IGSF9: variants seen among roughly 807,000 people sequenced by gnomAD.
IGSF9 encodes protein turtle homolog A.
In IGSF9, 87 loss-of-function variants were observed where a neutral mutation model predicts 121.7. That is an observed-to-expected ratio of 0.71 (90% CI 0.60 to 0.85). The LOEUF (loss-of-function observed/expected upper bound fraction) is 0.85, where lower values mean the gene tolerates loss of function less well. Among genes scored for constraint, IGSF9 ranks in the 40% least tolerant of loss-of-function variants. IGSF9 has a pLI of 0.00. For synonymous variants in IGSF9, 640 were observed against 648.4 expected, an observed-to-expected ratio of 0.99 and a Z score of 0.20; for missense variants, 1,462 against 1,565.3, an observed-to-expected ratio of 0.93 and a Z score of 1.11.
chr1:159,943,414 A>G lies in IGSF9; in HGVS notation c.41T>C (p.Ile14Thr), dbSNP rs778821299. Residue 14 changes from isoleucine (I) to threonine (T), a missense_variant, in exon 2 of 21, where the codon ATC becomes ACC. By Grantham distance (89) the Ile-to-Thr change is moderately conservative. Coordinates refer to ENST00000368094, the MANE Select transcript of IGSF9 (RefSeq NM_001135050.2). ...CLGLAVLSLV[I>T]SQGADGRGKP... Reference sequence around the variant, plus strand: ...CAGCTTACCGTCAGCCCCCTGGCTGATGACCAGGCTGAGGACGGCCAGGCC... The same window carrying G: ...CAGCTTACCGTCAGCCCCCTGGCTGGTGACCAGGCTGAGGACGGCCAGGCC... 14 of 1,589,468 alleles carry G rather than the reference A, an allele frequency of 8.8e-6. No homozygotes were observed. The African/African-American group carries it at 1.7e-4, about 20-fold the overall frequency.
chr1:159,934,084 G>T, intron 9 of IGSF9, 106 bp downstream of exon 9: 1 of 1,259,126 alleles, frequency 7.9e-7, no homozygotes, highest in South Asian at 1.3e-5. Flanking sequence ...CAAAAGATGT[G>T]TGTCCCCAGT....
intron 6 of IGSF9, 100 bp downstream of exon 6, chr1:159,936,299 C>T (rs1228405788): frequency 9.3e-7 from 1 of 1,071,830 alleles, no homozygotes; most frequent in Non-Finnish European, 1.4e-6. Flanking sequence ...TGCCCTCAGG[C>T]ACAAATCTCC....
chr1:159,941,281 C>CCTAA (rs770447513), intron 3 of IGSF9, among the ~76,000 whole-genome samples: 1 of 152,224 alleles, frequency 6.6e-6, no homozygotes, highest in East Asian at 1.9e-4. Flanking sequence ...TCCTTAGCAA[C>CCTAA]CTCTACCTCC....
rs1243447068 is a variant in IGSF9 at position 159,928,670 on chromosome 1, C to T, written c.2718G>A (p.Val906=). 2 of 1,477,822 alleles carry T rather than the reference C, an allele frequency of 1.4e-6. No homozygotes were observed. The highest frequency in any genetic ancestry group is 5.2e-5 in the Admixed American group (2 of 38,288). 91.5% of individuals were successfully genotyped at this position (1,477,822 alleles called of 1,614,324 possible). Residue 906 remains valine (V), a synonymous_variant, in exon 19 of 21, where the codon GTG becomes GTA. Coordinates refer to ENST00000368094, the MANE Select transcript of IGSF9 (RefSeq NM_001135050.2). ...QPLCIEDISP[V]APPPAAPPSP... ...TGGGTGGGGCTGCTGGAGGGGGTGC[C>T]ACAGGGCTGATGTCTTCAATGCAGA...
Position 159,930,209 on chromosome 1 carries a change from G to A in IGSF9, c.2044C>T (p.Leu682=). 1 of 1,611,328 alleles carries A rather than the reference G, an allele frequency of 6.2e-7. No individual in the cohort carries two copies. Among genetic ancestry groups the A allele is most frequent in the Non-Finnish European group, 8.5e-7 (1 of 1,178,598 alleles). ...CATACCTTGATGAGGCCTGGCACCA[G>A]CAGCTCTGTTTCTGTGCCTGCCACA... is the stretch of plus-strand genomic sequence containing the variant. ...PAVAGTETEL[L]VPGLIKDVLY... Residue 682 remains leucine (L), a synonymous_variant, in exon 15 of 21, where the codon CTG becomes TTG. Transcript: ENST00000368094.
chr1:159,931,466 G>A lies in IGSF9; in HGVS notation c.1500C>T (p.Asn500=), dbSNP rs373792661. ...CCAGCCACTAACCCAGCACGTAGACGTTCGTGGAGGTGGCCACTCGGGCCA... is the reference window on the plus strand; with the variant it reads ...CCAGCCACTAACCCAGCACGTAGACATTCGTGGAGGTGGCCACTCGGGCCA... ...NAVARVATST[N]VYVLGTSPHV... is the part of the protein sequence containing the mutation. Residue 500 remains asparagine, a synonymous_variant, in exon 12 of 21, where the codon AAC becomes AAT. Coordinates refer to ENST00000368094, the MANE Select transcript of IGSF9 (RefSeq NM_001135050.2). This position sits in a 1 kb window ranked among gnomAD's most constrained non-coding sequence, Gnocchi z 4.8. 97 of 1,613,834 alleles carry A rather than the reference G, an allele frequency of 6.0e-5. 1 individual carries two copies. In the South Asian group the frequency reaches 8.0e-4, roughly 13 times the overall value.
chr1:159,943,694 A>C, intron 1 of IGSF9, 66 bp from the exon 2 acceptor site: 1 of 402,272 alleles, frequency 2.5e-6, no homozygotes, highest in Non-Finnish European at 4.4e-6. Flanking sequence ...AAACCCCACC[A>C]TTAGAGAAAG....
intron 3 of IGSF9, among the ~76,000 whole-genome samples, chr1:159,938,122 G>A (rs1459463398): frequency 1.3e-5 from 2 of 152,160 alleles, no homozygotes; most frequent in Admixed American, 6.5e-5. Context: ...ACTGCACTCG[G>A]TGTCTAGGAC....
chr1:159,932,409 C>A lies in IGSF9; in HGVS notation c.1245+103G>T. 1 of 1,181,086 alleles carries A rather than the reference C, an allele frequency of 8.5e-7. No individual in the cohort carries two copies. Among genetic ancestry groups the A allele is most frequent in the Non-Finnish European group, 1.2e-6 (1 of 831,478 alleles). The allele number at this position is 1,181,086 out of a possible 1,614,324, so 73.2% of individuals were successfully genotyped here. Reference sequence around the variant, plus strand: ...TGGGAAACAAACTTGGAAACCCCTCCCCATGTGTCTGCCCCACCCCACCCC... The same window carrying A: ...TGGGAAACAAACTTGGAAACCCCTCACCATGTGTCTGCCCCACCCCACCCC... On this transcript the variant is annotated intron_variant, in intron 10 of 20. Transcript: ENST00000368094. The surrounding 1 kb of genome is among the most constrained non-coding windows in gnomAD (Gnocchi z 4.1).
In IGSF9 at chr1:159,938,180, T is replaced by G. The variant is rs112008061; in HGVS notation, c.248-342A>C. On this transcript the variant is annotated intron_variant, in intron 3 of 20. Transcript: ENST00000368094. Reference sequence around the variant, plus strand: ...CCAGCATGTAGTCTCCTCTGGACTCTTACAGGATCTGTCCACCTCTGGGCT... The same window carrying G: ...CCAGCATGTAGTCTCCTCTGGACTCGTACAGGATCTGTCCACCTCTGGGCT... Among the ~76,000 whole-genome samples, 262 of 152,246 alleles carry G rather than the reference T, an allele frequency of 1.7e-3. 2 individuals are homozygous for G. The highest frequency in any genetic ancestry group is 5.6e-3 in the African/African-American group (232 of 41,546).
chr1:159,930,851 G>T lies in IGSF9; in HGVS notation c.1654C>A (p.Arg552=), dbSNP rs1012766325. Residue 552 remains arginine (R), a synonymous_variant, in exon 14 of 21, where the codon CGA becomes AGA. Transcript: ENST00000368094. ...WYTPLAKRPD[R]MHHDWVSLAV... ...AAGGACACCCAGTCATGGTGCATTCGGTCAGGACGCTTGGCCCTGGGAGAC... is the reference window on the plus strand; with the variant it reads ...AAGGACACCCAGTCATGGTGCATTCTGTCAGGACGCTTGGCCCTGGGAGAC... 6.2e-7 allele frequency: 1 copy of T among 1,607,914 alleles called. No homozygotes were observed. The highest frequency in any genetic ancestry group is 8.5e-7 in the Non-Finnish European group (1 of 1,177,046).
chr1:159,939,135 T>TC (rs1651293061), intron 3 of IGSF9, among the ~76,000 whole-genome samples: 1 of 152,172 alleles, frequency 6.6e-6, no homozygotes, highest in Admixed American at 6.5e-5. Context: ...CCTGGGTTTC[T>TC]CCAACAGCCT....
rs896677292 is a variant in IGSF9 at position 159,937,547 on chromosome 1, G to A, written c.400+139C>T. On this transcript the variant is annotated intron_variant, in intron 4 of 20. Coordinates refer to ENST00000368094, the MANE Select transcript of IGSF9 (RefSeq NM_001135050.2). ...ATGCAACTACTAAGTGAGCAAACAAGGGCTCTCAGGAAGGGTGGGGCATCA... is the reference window on the plus strand; with the variant it reads ...ATGCAACTACTAAGTGAGCAAACAAAGGCTCTCAGGAAGGGTGGGGCATCA... 1.8e-5 allele frequency: 16 copies of A among 865,254 alleles called. No homozygotes were observed. The Admixed American group carries it at 3.5e-4, about 19-fold the overall frequency. The allele number at this position is 865,254 out of a possible 1,614,324, so 53.6% of individuals were successfully genotyped here. A position where few individuals can be genotyped will look rare whatever the true frequency, so the allele number is the denominator to read the frequency against.
At chr1:159,930,582 A>C in intron 14 of IGSF9, 110 bp downstream of exon 14, 3 of 1,544,570 alleles carry the variant, frequency 1.9e-6, no homozygotes, top group Non-Finnish European at 2.6e-6. Context: ...CTGGACCCCA[A>C]GCTGGCCAGC....
chr1:159,943,198 G>T, intron 2 of IGSF9, 47 bp from the exon 3 acceptor site: 1 of 1,501,032 alleles, frequency 6.7e-7, no homozygotes, highest in Non-Finnish European at 9.0e-7. Context: ...TAGGGTCAGT[G>T]CTGGGAGGGG....
Position 159,934,246 on chromosome 1 carries a change from G to T in IGSF9, c.1048C>A (p.Pro350Thr). Residue 350 changes from proline to threonine, a missense_variant, in exon 9 of 21, where the codon CCC becomes ACC. By Grantham distance (38) the Pro-to-Thr change is conservative. This residue lies in a region of IGSF9 where 558 missense variants were observed against 599.4 expected (regional missense o/e 0.93). Coordinates refer to ENST00000368094, the MANE Select transcript of IGSF9 (RefSeq NM_001135050.2). ...GTCCAGCTGACAAAGAGCAGTGGGG[G>T]GTTGGCACGAACCGGGCAGCGGATC... ...GVIRCPVRAN[P>T]PLLFVSWTKD... The T allele has an allele frequency of 6.2e-7, 1 of 1,614,068 alleles. No homozygotes were observed. The highest frequency in any genetic ancestry group is 8.5e-7 in the Non-Finnish European group (1 of 1,179,994).
Position 159,934,851 on chromosome 1 carries a change from G to A in IGSF9, c.674-29C>T, listed in dbSNP as rs752385545. ...TGGGATGCACAAGGGGAGGAAGGTGGCCTCAGCCCACAGTCTTCCCAGAAC... is the reference window on the plus strand; with the variant it reads ...TGGGATGCACAAGGGGAGGAAGGTGACCTCAGCCCACAGTCTTCCCAGAAC... On this transcript the variant is annotated intron_variant, in intron 6 of 20. Coordinates refer to ENST00000368094, the MANE Select transcript of IGSF9 (RefSeq NM_001135050.2). 2.5e-6 allele frequency: 4 copies of A among 1,612,900 alleles called. No individual in the cohort carries two copies. The South Asian group carries it at 4.4e-5, about 18-fold the overall frequency.
Position 159,934,214 on chromosome 1 carries a change from A to G in IGSF9, c.1080T>C (p.Asp360=). The change falls in exon 9 of 21, where the codon GAT becomes GAC. Residue 360 remains aspartate, a synonymous_variant. Coordinates refer to ENST00000368094, the MANE Select transcript of IGSF9 (RefSeq NM_001135050.2). The part of the protein sequence containing the change: ...PPLLFVSWTK[D]GKALQLDKFP... The stretch of plus-strand genomic sequence containing the variant: ...CCTTGTCCAGCTGCAGGGCCTTTCC[A>G]TCCTTGGTCCAGCTGACAAAGAGCA... 6.2e-7 allele frequency: 1 copy of G among 1,613,692 alleles called. No homozygotes were observed. The highest frequency in any genetic ancestry group is 8.5e-7 in the Non-Finnish European group (1 of 1,179,898).
chr1:159,943,256 GAGAAACCCCCAGTTC>G, intron 2 of IGSF9, 105 bp from the exon 3 acceptor site: 1 of 1,312,740 alleles, frequency 7.6e-7, no homozygotes, highest in Non-Finnish European at 1.0e-6. Context: ...TGGGTGACTG[GAGAAACCCCCAGTTC>G]AGCTTCTCCA....
Sources: gnomAD v4.1 joint callset for allele counts (sites outside exome capture counted in the v4.1 genomes callset) on GRCh38, gnomAD v4.1.1 for gene constraint, gnomAD v4.1.1 regional missense constraint, Gnocchi (gnomAD v3.1) non-coding constraint, MANE v1.5 for transcripts, NCBI Gene and HGNC (gene_info 2026-07-23, HGNC 2026-07-21) for gene names.